The following EVA1C variants were observed in gnomAD, a reference collection of about 807,000 sequenced individuals.
The protein encoded by EVA1C is eva-1 homolog C, also known as protein eva-1 homolog C.
In EVA1C, 25 loss-of-function variants were observed where a neutral mutation model predicts 45.4. The ratio of observed to expected loss-of-function variants is 0.55; its 90% CI spans 0.40 to 0.77. EVA1C has a LOEUF of 0.77. Among genes scored for constraint, EVA1C ranks in the 30% least tolerant of loss-of-function variants. EVA1C has a pLI of 0.00. For missense variants in EVA1C, 479 were observed against 554.8 expected, an observed-to-expected ratio of 0.86 and a Z score of 1.37; for synonymous variants, 190 against 221.2, an observed-to-expected ratio of 0.86 and a Z score of 1.25.
At chr21:32,491,733 A>G (rs2037167078) in intron 4 of EVA1C, among the ~76,000 whole-genome samples, 1 of 149,934 alleles carries the variant, frequency 6.7e-6, no homozygotes, top group Non-Finnish European at 1.5e-5. Flanking sequence ...AGAGAGAACC[A>G]TTTGAAGGGA....
At chr21:32,446,367 A>G (rs1247635304) in intron 1 of EVA1C, among the ~76,000 whole-genome samples, 5 of 152,230 alleles carry the variant, frequency 3.3e-5, no homozygotes, top group African/African-American at 4.8e-5. Flanking sequence ...ATCTTCCAGG[A>G]TAGCAAATAC....
chr21:32,502,578 T>C (rs2037595389), intron 6 of EVA1C, among the ~76,000 whole-genome samples: 1 of 152,156 alleles, frequency 6.6e-6, no homozygotes, highest in Non-Finnish European at 1.5e-5. Context: ...GAGTTTTGTC[T>C]TGTGTTACCT....
chr21:32,413,235 A>G (rs1038709767), intron 1 of EVA1C, among the ~76,000 whole-genome samples: 11 of 152,254 alleles, frequency 7.2e-5, no homozygotes, highest in African/African-American at 2.2e-4. Context: ...TAATGTATTC[A>G]GAGTTTCTCG....
intron 4 of EVA1C, chr21:32,493,627 T>G (rs1227691436): frequency 6.6e-6 from 1 of 152,378 alleles, no homozygotes; most frequent in Non-Finnish European, 1.5e-5. Context: ...ACCTAGCACC[T>G]CTTGTCTGCA....
intron 7 of EVA1C, among the ~76,000 whole-genome samples, chr21:32,507,822 G>A (rs1423622789): frequency 6.8e-6 from 1 of 148,000 alleles, no homozygotes; most frequent in African/African-American, 2.5e-5. Context: ...GTATGTATGT[G>A]TGTTGCATGT....
At chr21:32,489,979 T>C (rs901651410) in intron 4 of EVA1C, among the ~76,000 whole-genome samples, 8 of 152,108 alleles carry the variant, frequency 5.3e-5, no homozygotes, top group Non-Finnish European at 1.0e-4. Context: ...TTTTTGTATT[T>C]TTTTAGTAGA....
At chr21:32,493,406 C>T (rs962602983) in intron 4 of EVA1C, among the ~76,000 whole-genome samples, 1 of 152,146 alleles carries the variant, frequency 6.6e-6, no homozygotes, top group Non-Finnish European at 1.5e-5. Context: ...GAAAGTGTCT[C>T]TGTCTTGTTC....
chr21:32,470,198 T>C (rs1350229444), intron 4 of EVA1C, among the ~76,000 whole-genome samples: 3 of 152,122 alleles, frequency 2.0e-5, no homozygotes, highest in Admixed American at 6.5e-5. Flanking sequence ...AGTAATACCT[T>C]GGACCTGAAA....
chr21:32,475,883 CTAT>C (rs1417967702), intron 4 of EVA1C, among the ~76,000 whole-genome samples: 4 of 46,600 alleles, frequency 8.6e-5, no homozygotes, highest in Non-Finnish European at 1.6e-4. Context: ...AAAACTTTAT[CTAT>C]CTATCTATCT....
At chr21:32,510,367 T>G (rs2037909232) in intron 7 of EVA1C, among the ~76,000 whole-genome samples, 1 of 152,174 alleles carries the variant, frequency 6.6e-6, no homozygotes, top group Admixed American at 6.5e-5. Flanking sequence ...TTTCCGCCAT[T>G]ACTTTTGCAC....
At chr21:32,431,647 T>G (rs201095248) in intron 1 of EVA1C, among the ~76,000 whole-genome samples, 1 of 151,098 alleles carries the variant, frequency 6.6e-6, no homozygotes. Context: ...TTATTAAATA[T>G]GTAATATTTA....
intron 4 of EVA1C, among the ~76,000 whole-genome samples, chr21:32,488,350 A>G (rs1199723187): frequency 6.6e-6 from 1 of 152,156 alleles, no homozygotes; most frequent in Admixed American, 6.5e-5. Flanking sequence ...TAGTAGCTCT[A>G]TTTTTAATTT....
intron 2 of EVA1C, among the ~76,000 whole-genome samples, chr21:32,456,638 C>A (rs1009853436): frequency 6.6e-6 from 1 of 152,200 alleles, no homozygotes; most frequent in African/African-American, 2.4e-5. Context: ...GAGAGGCTCA[C>A]GTGTCTGCAC....
intron 1 of EVA1C, among the ~76,000 whole-genome samples, chr21:32,413,959 G>C (rs542808048): frequency 6.6e-6 from 1 of 152,318 alleles, no homozygotes; most frequent in Non-Finnish European, 1.5e-5. Flanking sequence ...TCCCTATCGG[G>C]TCCTCAGTGC....
intron 1 of EVA1C, among the ~76,000 whole-genome samples, chr21:32,424,136 C>T (rs2034399281): frequency 6.6e-6 from 1 of 152,212 alleles, no homozygotes; most frequent in African/African-American, 2.4e-5. Context: ...GTACTCGTGA[C>T]AGCTTTCAGA....
rs1334948132 is a variant in EVA1C at position 32,463,794 on chromosome 21, A to G, written c.482-3902A>G. Reference sequence around the variant, plus strand: ...TATTTTGATTTATAAAAAAAGAAAAAAAAAAGACTTCCATTTAAAAAGTTT... The same window carrying G: ...TATTTTGATTTATAAAAAAAGAAAAGAAAAAGACTTCCATTTAAAAAGTTT... On this transcript the variant is annotated intron_variant, in intron 3 of 7. Coordinates refer to ENST00000300255, the MANE Select transcript of EVA1C (RefSeq NM_058187.5). 2.6e-5 allele frequency among the ~76,000 whole-genome samples: 4 copies of G among 152,322 alleles called. No individual in the cohort carries two copies. The East Asian group carries it at 7.7e-4, about 29-fold the overall frequency.
At chr21:32,456,588 G>A (rs2146262164) in intron 2 of EVA1C, among the ~76,000 whole-genome samples, 1 of 152,306 alleles carries the variant, frequency 6.6e-6, no homozygotes, top group South Asian at 2.1e-4. Flanking sequence ...CATTCTTCAC[G>A]GAGCTATTCC....
intron 6 of EVA1C, among the ~76,000 whole-genome samples, chr21:32,503,549 A>AAAATAAATAAATAAATAAATAAAT (rs60401587): frequency 0.045 from 6,750 of 149,090 alleles, 285 homozygotes; most frequent in Middle Eastern, 0.15. Context: ...CTCCATCTCA[A>AAAATAAATAAATAAATAAATAAAT]AAATAAATAA....
At chr21:32,481,081 T>A (rs2036768108) in intron 4 of EVA1C, among the ~76,000 whole-genome samples, 1 of 152,238 alleles carries the variant, frequency 6.6e-6, no homozygotes, top group Non-Finnish European at 1.5e-5. Flanking sequence ...TAGCTTTTTT[T>A]CTTGATGGTG....
Sources: gnomAD v4.1 joint callset for allele counts (sites outside exome capture counted in the v4.1 genomes callset) on GRCh38, gnomAD v4.1.1 for gene constraint, MANE v1.5 for transcripts, NCBI Gene and HGNC (gene_info 2026-07-23, HGNC 2026-07-21) for gene names.